CFAP36: variants seen among roughly 807,000 people sequenced by gnomAD.
The protein encoded by CFAP36 is cilia and flagella associated protein 36, also known as cilia- and flagella-associated protein 36.
A neutral mutation model predicts 50.5 loss-of-function variants in CFAP36; 37 were observed. The observed-to-expected ratio is 0.73, with a 90% CI of 0.56 to 0.96. CFAP36 has a LOEUF of 0.96. Among genes scored for constraint, CFAP36 ranks in the 50% least tolerant of loss-of-function variants. CFAP36 has a pLI of 0.00. For missense variants in CFAP36, 407 were observed against 396.2 expected, an observed-to-expected ratio of 1.03 and a Z score of -0.23; for synonymous variants, 138 against 128.2, an observed-to-expected ratio of 1.08 and a Z score of -0.52.
rs187099700 is a variant in CFAP36 at position 55,544,768 on chromosome 2, G to T, written c.928-139G>T. ...GAGACTTTACGAAGAAGAGATTTAG[G>T]AAACCTAGTCTATGTCTGTCTCTCC... On this transcript the variant is annotated intron_variant, in intron 9 of 9. Transcript: ENST00000349456. The T allele has an allele frequency of 6.3e-4, 392 of 619,000 alleles. 1 individual carries two copies. Among genetic ancestry groups the T allele is most frequent in the Non-Finnish European group, 8.1e-4 (283 of 348,092 alleles). 38.3% of individuals were successfully genotyped at this position (619,000 alleles called of 1,614,324 possible).
In CFAP36 at chr2:55,544,236, G is replaced by A; in HGVS notation, c.794G>A (p.Gly265Glu). ...EGPIANLSVL[G>E]TEELRQREHY... is the part of the protein sequence containing the mutation. ...TTGACCCAGAACTTATCAGTACTTG[G>A]AACAGAAGAACTTCGGCAACGAGAA... The change falls in exon 9 of 10, where the codon GGA becomes GAA. Residue 265 changes from glycine to glutamate, a missense_variant. By Grantham distance (98) the Gly-to-Glu change is moderately conservative. Coordinates refer to ENST00000349456, the MANE Select transcript of CFAP36 (RefSeq NM_080667.7). The A allele has an allele frequency of 3.1e-6, 5 of 1,613,298 alleles. No individual in the cohort carries two copies. The highest frequency in any genetic ancestry group is 4.2e-6 in the Non-Finnish European group (5 of 1,179,822).
intron 1 of CFAP36, among the ~76,000 whole-genome samples, chr2:55,521,595 ATGTG>A (rs60921606): frequency 2.0e-4 from 29 of 146,212 alleles, no homozygotes; most frequent in Middle Eastern, 3.5e-3. Flanking sequence ...AATAGTATAT[ATGTG>A]TGTGTGTGTG....
intron 3 of CFAP36, among the ~76,000 whole-genome samples, chr2:55,525,174 C>G (rs1033984930): frequency 2.6e-5 from 4 of 152,078 alleles, no homozygotes; most frequent in Admixed American, 6.6e-5. Context: ...AAACTGAAGG[C>G]CAGGAAGTGG....
At chr2:55,522,351 A>C (rs1030634524) in intron 2 of CFAP36, among the ~76,000 whole-genome samples, 185 bp downstream of exon 2, 5 of 152,174 alleles carry the variant, frequency 3.3e-5, no homozygotes, top group East Asian at 3.8e-4. Context: ...TGGATGACTT[A>C]TCTCCTCTAC....
At chr2:55,543,759 A>G (rs1019679203) in intron 7 of CFAP36, among the ~76,000 whole-genome samples, 179 bp from the exon 8 acceptor site, 2 of 152,320 alleles carry the variant, frequency 1.3e-5, no homozygotes, top group South Asian at 4.1e-4. Flanking sequence ...GGATAGAGAC[A>G]TGATGTTTAC....
chr2:55,521,226 C>CAA (rs1230216337), intron 1 of CFAP36, among the ~76,000 whole-genome samples: 2 of 133,908 alleles, frequency 1.5e-5, no homozygotes, highest in African/African-American at 5.7e-5. Context: ...TTTTGGGAGA[C>CAA]AGAGTGTCGC....
chr2:55,526,374 C>T (rs1039992431), intron 3 of CFAP36, among the ~76,000 whole-genome samples: 2 of 152,188 alleles, frequency 1.3e-5, no homozygotes, highest in South Asian at 2.1e-4. Context: ...TAATCCAGCA[C>T]TTCCTCTTTT....
At chr2:55,529,376 C>T (rs976506637) in intron 4 of CFAP36, among the ~76,000 whole-genome samples, 6 of 151,296 alleles carry the variant, frequency 4.0e-5, no homozygotes, top group Non-Finnish European at 5.9e-5. Context: ...GAGCTGAGAT[C>T]GCGCCACTGC....
At chr2:55,533,609 C>A (rs1383595639) in intron 4 of CFAP36, among the ~76,000 whole-genome samples, 1 of 151,122 alleles carries the variant, frequency 6.6e-6, no homozygotes, top group Admixed American at 6.6e-5. Flanking sequence ...GCAGGAGAAT[C>A]GCTTGAAGCT....
intron 7 of CFAP36, among the ~76,000 whole-genome samples, chr2:55,543,210 C>G (rs1215583380): frequency 1.3e-5 from 2 of 151,834 alleles, no homozygotes; most frequent in Non-Finnish European, 2.9e-5. Flanking sequence ...CTTTCATAGC[C>G]CATGTATTTA....
At chr2:55,531,210 G>T (rs75861968) in intron 4 of CFAP36, 97 of 152,270 alleles carry the variant, frequency 6.4e-4, no homozygotes, top group African/African-American at 1.9e-3. Context: ...TAAAATCCTT[G>T]CCTCTGAATT....
intron 7 of CFAP36, among the ~76,000 whole-genome samples, chr2:55,540,567 A>G (rs1160494655): frequency 6.6e-6 from 1 of 152,132 alleles, no homozygotes; most frequent in Non-Finnish European, 1.5e-5. Flanking sequence ...TGTGTTGGCT[A>G]TTCTGGGTGT....
chr2:55,544,984 C>CA lies in CFAP36; in HGVS notation c.1008dup (p.Glu337ArgfsTer5). On this transcript the variant is annotated frameshift_variant, in exon 10 of 10. Transcript: ENST00000349456. LOFTEE classifies it high-confidence loss of function. ...AGAGGAGATTGCTTGCAGAGAAACTCAAAGAAGAAGTTATTAATAAGTAAT... is the reference window on the plus strand; with the variant it reads ...AGAGGAGATTGCTTGCAGAGAAACTCAAAAGAAGAAGTTATTAATAAGTAAT... 6.3e-7 allele frequency: 1 copy of CA among 1,592,134 alleles called. No homozygotes were observed. The highest frequency in any genetic ancestry group is 8.6e-7 in the Non-Finnish European group (1 of 1,166,578).
chr2:55,535,708 T>C lies in CFAP36; in HGVS notation c.486-4T>C. 1.3e-6 allele frequency: 2 copies of C among 1,527,710 alleles called. No homozygotes were observed. The highest frequency in any genetic ancestry group is 8.7e-7 in the Non-Finnish European group (1 of 1,147,474). The allele number at this position is 1,527,710 out of a possible 1,614,324, so 94.6% of individuals were successfully genotyped here. A position where few individuals can be genotyped will look rare whatever the true frequency, so the allele number is the denominator to read the frequency against. ...TCTTTTTATCTTATTTTTGTATATTTCAGAAAATCAAAAGAGGAATATGAC... is the reference window on the plus strand; with the variant it reads ...TCTTTTTATCTTATTTTTGTATATTCCAGAAAATCAAAAGAGGAATATGAC... On this transcript the variant is annotated splice_polypyrimidine_tract_variant and splice_region_variant and intron_variant, in intron 5 of 9. Transcript: ENST00000349456.
intron 3 of CFAP36, among the ~76,000 whole-genome samples, chr2:55,525,462 AC>A (rs1483593803): frequency 6.6e-6 from 1 of 152,142 alleles, no homozygotes; most frequent in Non-Finnish European, 1.5e-5. Flanking sequence ...ACCCCAAAAA[AC>A]AAAACATTGG....
chr2:55,524,779 C>G (rs182566164), intron 3 of CFAP36, among the ~76,000 whole-genome samples: 1 of 151,740 alleles, frequency 6.6e-6, no homozygotes, highest in Non-Finnish European at 1.5e-5. Context: ...GTCGGGAGTT[C>G]GAGACCAGCC....
chr2:55,543,662 CT>C (rs1397424267), intron 7 of CFAP36, among the ~76,000 whole-genome samples: 2 of 152,080 alleles, frequency 1.3e-5, no homozygotes, highest in African/African-American at 4.8e-5. Flanking sequence ...AGGATTTTAG[CT>C]TTTTGTAGCT....
chr2:55,524,422 A>ATTTTTTTTTTTTTTTTTTTTTTT (rs57908457), intron 3 of CFAP36, among the ~76,000 whole-genome samples: 1 of 99,372 alleles, frequency 1.0e-5, no homozygotes, highest in African/African-American at 4.6e-5. Flanking sequence ...CACATGGCTA[A>ATTTTTTTTTTTTTTTTTTTTTTT]TTTTTTTTTT....
intron 4 of CFAP36, among the ~76,000 whole-genome samples, chr2:55,530,100 G>C (rs915283564): frequency 6.6e-6 from 1 of 152,174 alleles, no homozygotes; most frequent in Non-Finnish European, 1.5e-5. Context: ...CGTGTTGTGG[G>C]AGGGACCCAG....
Sources: allele counts gnomAD v4.1 joint callset (sites outside exome capture counted in the v4.1 genomes callset), GRCh38; gene constraint gnomAD v4.1.1; transcripts MANE v1.5; gene names NCBI Gene and HGNC (gene_info 2026-07-23, HGNC 2026-07-21).